Variants in MPP7 observed in about 807,000 individuals in gnomAD.
MPP7 encodes MAGUK p55 subfamily member 7.
A neutral mutation model predicts 76.5 loss-of-function variants in MPP7; 60 were observed. The ratio of observed to expected loss-of-function variants is 0.78; its 90% CI spans 0.64 to 0.97. The LOEUF is 0.97. Ranked by LOEUF, MPP7 falls within the 50% of genes least tolerant of loss-of-function variation. The pLI is 0.00. For missense variants in MPP7, 641 were observed against 694.0 expected, an observed-to-expected ratio of 0.92 and a Z score of 0.86; for synonymous variants, 237 against 244.5, an observed-to-expected ratio of 0.97 and a Z score of 0.29.
chr10:28,283,092 C>T (rs1406733263), intron 1 of MPP7, among the ~76,000 whole-genome samples: 1 of 151,966 alleles, frequency 6.6e-6, no homozygotes, highest in Non-Finnish European at 1.5e-5. Context: ...GGAAGAGGTG[C>T]ACGTTGGTGG....
At chr10:28,274,388 C>G (rs80017113) in intron 1 of MPP7, among the ~76,000 whole-genome samples, 1 of 151,856 alleles carries the variant, frequency 6.6e-6, no homozygotes, top group Non-Finnish European at 1.5e-5. Context: ...CATAAGCCAC[C>G]GCGCCCGGCC....
chr10:28,277,825 T>C (rs1840550170), intron 1 of MPP7, among the ~76,000 whole-genome samples: 1 of 151,964 alleles, frequency 6.6e-6, no homozygotes, highest in Admixed American at 6.5e-5. Flanking sequence ...GGTCTGAAAG[T>C]GAAAAATTAA....
Position 28,248,454 on chromosome 10 carries a change from C to T in MPP7, c.-131-9719G>A, listed in dbSNP as rs568056531. On this transcript the variant is annotated intron_variant, in intron 1 of 16. Coordinates refer to ENST00000683449, the MANE Select transcript of MPP7 (RefSeq NM_001318170.2). ...GACGCGGCTCAAGTGGTTCAGGTTT[C>T]CCGGGTGTTTCCCCAGGTGGCATCT... 2.4e-4 allele frequency among the ~76,000 whole-genome samples: 36 copies of T among 152,276 alleles called. 1 individual carries two copies. The South Asian group carries it at 5.0e-3, about 21-fold the overall frequency.
At chr10:28,301,155 T>C (rs10826446) in intron 1 of MPP7, among the ~76,000 whole-genome samples, 14,177 of 152,224 alleles carry the variant, frequency 0.093, 1,306 homozygotes, top group East Asian at 0.48. Flanking sequence ...TAAGAAATTA[T>C]TCTTCAATCC....
chr10:28,135,411 T>C (rs1158583221), intron 5 of MPP7, among the ~76,000 whole-genome samples: 1 of 152,188 alleles, frequency 6.6e-6, no homozygotes, highest in Non-Finnish European at 1.5e-5. Context: ...TGTACTCCCT[T>C]GGAGCCATTG....
chr10:28,068,372 T>C (rs1382579831), intron 13 of MPP7, among the ~76,000 whole-genome samples: 2 of 152,068 alleles, frequency 1.3e-5, no homozygotes, highest in African/African-American at 4.8e-5. Flanking sequence ...AGTTGAACTC[T>C]TCCAAAACTA....
intron 2 of MPP7, among the ~76,000 whole-genome samples, chr10:28,308,310 C>G (rs149695545): frequency 2.2e-4 from 33 of 152,308 alleles, no homozygotes; most frequent in Non-Finnish European, 4.9e-4. Context: ...CTGCCTCAAG[C>G]CAGTATCTTC....
chr10:28,091,029 C>A (rs991761071), intron 11 of MPP7, among the ~76,000 whole-genome samples: 11 of 152,040 alleles, frequency 7.2e-5, no homozygotes, highest in Non-Finnish European at 1.3e-4. Context: ...CACATGTAAT[C>A]TCAGCTACTC....
At chr10:28,059,848 T>A in intron 13 of MPP7, 105 bp from the exon 14 acceptor site, 1 of 755,408 alleles carries the variant, frequency 1.3e-6, no homozygotes, top group Non-Finnish European at 2.2e-6. Flanking sequence ...CAACAGGATT[T>A]AAAAATGTAT....
intron 13 of MPP7, 30 bp downstream of exon 13, chr10:28,069,742 C>CA (rs1476526270): frequency 6.5e-7 from 1 of 1,544,684 alleles, no homozygotes; most frequent in Admixed American, 1.7e-5. Flanking sequence ...TAAGTGTAGT[C>CA]ATAGGAACAC....
At chr10:28,274,200 T>C (rs1260181547) in intron 1 of MPP7, among the ~76,000 whole-genome samples, 1 of 150,610 alleles carries the variant, frequency 6.6e-6, no homozygotes, top group African/African-American at 2.5e-5. Context: ...CCTCCCAGGT[T>C]CATGCCATTC....
intron 3 of MPP7, among the ~76,000 whole-genome samples, chr10:28,151,309 C>T (rs960995306): frequency 1.3e-5 from 2 of 152,066 alleles, no homozygotes; most frequent in Admixed American, 6.6e-5. Flanking sequence ...AAAGATGTAT[C>T]ATAACAAGGT....
chr10:28,231,259 T>C (rs1321905908), intron 2 of MPP7, among the ~76,000 whole-genome samples: 3 of 151,476 alleles, frequency 2.0e-5, no homozygotes, highest in Non-Finnish European at 4.4e-5. Flanking sequence ...AAACACTTAA[T>C]AAAATTAGAA....
At chr10:28,242,837 AAGGAAGAAAAGC>A (rs1316768093) in intron 1 of MPP7, among the ~76,000 whole-genome samples, 2 of 152,166 alleles carry the variant, frequency 1.3e-5, no homozygotes, top group African/African-American at 4.8e-5. Context: ...GGAGGAGGAA[AAGGAAGAAAAGC>A]AGGAAGAGGA....
chr10:28,089,880 A>C, intron 11 of MPP7, 39 bp from the exon 12 acceptor site: 2 of 1,062,020 alleles, frequency 1.9e-6, no homozygotes, highest in Non-Finnish European at 1.3e-6. Flanking sequence ...AGTAACATCA[A>C]CCAAAAAAGA....
At chr10:28,212,187 C>T (rs1374132123) in intron 2 of MPP7, among the ~76,000 whole-genome samples, 1 of 151,912 alleles carries the variant, frequency 6.6e-6, no homozygotes, top group African/African-American at 2.4e-5. Flanking sequence ...CGCAGGAAGC[C>T]GAGGGCCGAG....
chr10:28,073,103 T>G (rs1357386161), intron 12 of MPP7, among the ~76,000 whole-genome samples: 1 of 152,170 alleles, frequency 6.6e-6, no homozygotes, highest in African/African-American at 2.4e-5. Flanking sequence ...ATCATCTGGA[T>G]TTCTTAGATC....
chr10:28,325,995 A>T lies in MPP7; in HGVS notation c.-132+3934T>A, dbSNP rs930279891. Among the ~76,000 whole-genome samples, 12 of 151,256 alleles carry T rather than the reference A, an allele frequency of 7.9e-5. 1 individual carries two copies. The South Asian group carries it at 2.3e-3, about 29-fold the overall frequency. On this transcript the variant is annotated intron_variant, in intron 2 of 11. Coordinates refer to the MPP7 transcript ENST00000441595. ...CATCTCAAAAAAAAAAAAAAAAAAA[A>T]ATTCCTTAAAGAGAAAAATCTGGCC...
intron 1 of MPP7, among the ~76,000 whole-genome samples, chr10:28,278,520 C>CA (rs1249234987): frequency 1.3e-5 from 2 of 151,272 alleles, no homozygotes; most frequent in Non-Finnish European, 2.9e-5. Flanking sequence ...GAAGACACCA[C>CA]AAAAAACTAA....
Sources: gnomAD v4.1 joint callset for allele counts (sites outside exome capture counted in the v4.1 genomes callset) on GRCh38, gnomAD v4.1.1 for gene constraint, MANE v1.5 for transcripts, NCBI Gene and HGNC (gene_info 2026-07-23, HGNC 2026-07-21) for gene names.